The following IGSF11 variants were observed in gnomAD, a reference collection of about 807,000 sequenced individuals.
The protein encoded by IGSF11 is immunoglobulin superfamily member 11.
In IGSF11, 22 loss-of-function variants were observed where a neutral mutation model predicts 41.0. The ratio of observed to expected loss-of-function variants is 0.54; its 90% CI spans 0.38 to 0.77. The LOEUF is 0.77. IGSF11 is among the 30% of genes least tolerant of loss of function. The probability of loss-of-function intolerance (pLI) is 0.00; values close to 1 mark genes in which losing one functional copy is unlikely to be tolerated. For synonymous variants in IGSF11, 219 were observed against 201.3 expected (o/e 1.09, Z -0.74); for missense variants, 444 against 530.8 (o/e 0.84, Z 1.61).
intron 1 of IGSF11, among the ~76,000 whole-genome samples, chr3:119,008,791 T>C (rs570450316): frequency 2.0e-4 from 30 of 152,304 alleles, no homozygotes; most frequent in Middle Eastern, 3.4e-3. Context: ...AGATTAACAT[T>C]TAAGTCATTG....
At chr3:119,010,879 A>G (rs1576636143) in intron 1 of IGSF11, among the ~76,000 whole-genome samples, 1 of 152,238 alleles carries the variant, frequency 6.6e-6, no homozygotes, top group African/African-American at 2.4e-5. Context: ...AATGGCAGCC[A>G]AAACAGGACA....
At chr3:119,101,771 T>C (rs1012701710) in intron 1 of IGSF11, among the ~76,000 whole-genome samples, 2 of 152,250 alleles carry the variant, frequency 1.3e-5, no homozygotes, top group Admixed American at 6.5e-5. Flanking sequence ...CCTAAATGTA[T>C]AACACATTTA....
intron 1 of IGSF11, among the ~76,000 whole-genome samples, chr3:119,016,230 G>A (rs908151852): frequency 3.9e-5 from 6 of 152,218 alleles, no homozygotes; most frequent in African/African-American, 1.4e-4. Context: ...CCCCAGGAGC[G>A]AGGCTGTAAG....
intron 1 of IGSF11, among the ~76,000 whole-genome samples, chr3:119,001,143 T>C (rs527528272): frequency 2.0e-5 from 3 of 151,916 alleles, no homozygotes; most frequent in Non-Finnish European, 2.9e-5. Flanking sequence ...AATTCGCCTA[T>C]ATCCTTCAAT....
chr3:119,125,946 T>A (rs1212595309), intron 1 of IGSF11, among the ~76,000 whole-genome samples: 1 of 152,210 alleles, frequency 6.6e-6, no homozygotes, highest in East Asian at 1.9e-4. Flanking sequence ...GGGCCTAGCA[T>A]CCCAGTCCTG....
In IGSF11 at chr3:119,046,687, A is replaced by C. The variant is rs1102583; in HGVS notation, c.49+58457T>G. On this transcript the variant is annotated intron_variant, in intron 1 of 6. Coordinates refer to the IGSF11 transcript ENST00000354673. ...CGAGAAGAGCAACTCCAAGACACAT[A>C]ATTGTCAGATTCACCAAAGTTGAAA... Among the ~76,000 whole-genome samples the C allele has an allele frequency of 8.7e-3, 1,323 of 151,602 alleles. 30 individuals are homozygous for C. Among genetic ancestry groups the C allele is most frequent in the African/African-American group, 0.03 (1,245 of 41,270 alleles).
intron 1 of IGSF11, among the ~76,000 whole-genome samples, chr3:119,050,622 T>C (rs529450280): frequency 6.6e-6 from 1 of 152,120 alleles, no homozygotes; most frequent in African/African-American, 2.4e-5. Flanking sequence ...GAAATACCAT[T>C]TGACCCAGCC....
At position 119,017,039 on chromosome 3, in the gene IGSF11, C is replaced by CCAA. The variant is rs1553713302; in HGVS notation, c.52+17491_52+17492insTTG. ...TGAGCAAAGTTAAATGGACGCAGGA[C>CCAA]AAAAAAAAAAAAAAAAAAGCCAACT... On this transcript the variant is annotated intron_variant, in intron 1 of 6. Coordinates refer to ENST00000393775, the MANE Select transcript of IGSF11 (RefSeq NM_001015887.3). 7.1e-4 allele frequency among the ~76,000 whole-genome samples: 63 copies of CCAA among 88,296 alleles called. 1 individual carries two copies. The highest frequency in any genetic ancestry group is 2.8e-3 in the East Asian group (8 of 2,844). 57.9% of individuals were successfully genotyped at this position (88,296 alleles called of 152,430 possible). A position where few individuals can be genotyped will look rare whatever the true frequency, so the allele number is the denominator to read the frequency against.
At chr3:118,960,362 C>G (rs774625632) in intron 1 of IGSF11, among the ~76,000 whole-genome samples, 10 of 152,040 alleles carry the variant, frequency 6.6e-5, no homozygotes, top group African/African-American at 2.2e-4. Flanking sequence ...AACTATTATA[C>G]GGCTATTTTT....
intron 1 of IGSF11, among the ~76,000 whole-genome samples, chr3:119,068,139 C>T (rs1292642441): frequency 2.6e-5 from 4 of 152,228 alleles, no homozygotes; most frequent in African/African-American, 9.6e-5. Context: ...CCTATCATGC[C>T]TATCATGTTC....
At chr3:119,128,291 G>A (rs1452774885) in intron 1 of IGSF11, among the ~76,000 whole-genome samples, 2 of 152,102 alleles carry the variant, frequency 1.3e-5, no homozygotes, top group Admixed American at 6.6e-5. Flanking sequence ...CTGGGAGGTG[G>A]AGGTTGCAGT....
intron 1 of IGSF11, among the ~76,000 whole-genome samples, chr3:119,143,394 A>G (rs1354693274): frequency 2.0e-5 from 3 of 152,184 alleles, no homozygotes; most frequent in African/African-American, 7.2e-5. Context: ...GGATGGTTTT[A>G]ATTCAAAATA....
intron 1 of IGSF11, among the ~76,000 whole-genome samples, chr3:119,099,499 G>A (rs1204740231): frequency 6.6e-6 from 1 of 152,160 alleles, no homozygotes; most frequent in Non-Finnish European, 1.5e-5. Context: ...GTAAATGGTA[G>A]ATGAATGAGC....
chr3:119,128,845 C>T (rs2077439361), intron 1 of IGSF11, among the ~76,000 whole-genome samples: 1 of 152,168 alleles, frequency 6.6e-6, no homozygotes, highest in Non-Finnish European at 1.5e-5. Flanking sequence ...AATCATTCTA[C>T]TATAAAGACA....
chr3:119,045,199 A>G (rs371861855), intron 1 of IGSF11, among the ~76,000 whole-genome samples: 1 of 152,224 alleles, frequency 6.6e-6, no homozygotes, highest in Admixed American at 6.5e-5. Context: ...GCGACACAGA[A>G]TATGGGTGAT....
rs566524446 is a variant in IGSF11, at chr3:118,978,501, C to T, written c.53-48226G>A. ...GGCAAAGAATAAGCCTGCCTGGACC[C>T]GCTAACACTGGTACCAATGTATGCC... On this transcript the variant is annotated intron_variant, in intron 1 of 6. Transcript: ENST00000393775. 2.0e-5 allele frequency among the ~76,000 whole-genome samples: 3 copies of T among 152,266 alleles called. No homozygotes were observed. The South Asian group carries it at 6.2e-4, about 32-fold the overall frequency.
intron 1 of IGSF11, among the ~76,000 whole-genome samples, chr3:118,984,556 G>A (rs1935069896): frequency 6.6e-6 from 1 of 151,844 alleles, no homozygotes; most frequent in Non-Finnish European, 1.5e-5. Flanking sequence ...AAGGGAAGGA[G>A]GAAGACAGAC....
intron 1 of IGSF11, among the ~76,000 whole-genome samples, chr3:119,077,034 A>T (rs1223234587): frequency 6.6e-6 from 1 of 152,226 alleles, no homozygotes; most frequent in Non-Finnish European, 1.5e-5. Context: ...GTCCACAATG[A>T]TAGACTGGAT....
At chr3:118,949,208 A>G (rs1944395668) in intron 1 of IGSF11, 1 of 152,066 alleles carries the variant, frequency 6.6e-6, no homozygotes, top group Non-Finnish European at 1.5e-5. Flanking sequence ...AGAAACCAAA[A>G]CAAAGAACAA....
Sources: allele counts gnomAD v4.1 joint callset (sites outside exome capture counted in the v4.1 genomes callset), GRCh38; gene constraint gnomAD v4.1.1; transcripts MANE v1.5; gene names NCBI Gene and HGNC (gene_info 2026-07-23, HGNC 2026-07-21).